ANLN: variants seen among roughly 807,000 people sequenced by gnomAD.
The protein encoded by ANLN is anillin, actin binding protein.
A neutral mutation model predicts 135.1 loss-of-function variants in ANLN; 59 were observed. The ratio of observed to expected loss-of-function variants is 0.44; its 90% CI spans 0.35 to 0.54. ANLN has a LOEUF of 0.54. Ranked by LOEUF, ANLN falls within the 20% of genes least tolerant of loss-of-function variation. The pLI is 0.00. For missense variants in ANLN, 1,182 were observed against 1,340.0 expected (o/e 0.88, Z 1.84); for synonymous variants, 406 against 456.4 (o/e 0.89, Z 1.41).
intron 19 of ANLN, 78 bp downstream of exon 19, chr7:36,426,114 C>A: frequency 9.7e-7 from 1 of 1,029,898 alleles, no homozygotes; most frequent in African/African-American, 1.7e-5. Flanking sequence ...TATATATAGG[C>A]CATCTTGATT....
intron 7 of ANLN, 72 bp from the exon 8 acceptor site, chr7:36,415,686 C>T: frequency 7.1e-7 from 1 of 1,408,886 alleles, no homozygotes; most frequent in South Asian, 1.5e-5. Context: ...AATCTTGTTT[C>T]ATTTAATAAC....
At chr7:36,416,580 T>C (rs1787650872) in intron 8 of ANLN, among the ~76,000 whole-genome samples, 1 of 152,182 alleles carries the variant, frequency 6.6e-6, no homozygotes, top group Non-Finnish European at 1.5e-5. Flanking sequence ...CTTCCTTCTA[T>C]TCCTAGTTTT....
chr7:36,408,325 T>A (rs1787275078), intron 5 of ANLN, among the ~76,000 whole-genome samples: 1 of 152,152 alleles, frequency 6.6e-6, no homozygotes, highest in African/African-American at 2.4e-5. Flanking sequence ...TGCTTCTCAA[T>A]CTTGAGTATG....
intron 8 of ANLN, among the ~76,000 whole-genome samples, chr7:36,416,681 G>A (rs1461983570): frequency 6.6e-6 from 1 of 151,450 alleles, no homozygotes; most frequent in African/African-American, 2.4e-5. Context: ...AAAACAAAAT[G>A]ATATGTAAAT....
chr7:36,429,793 T>G (rs904200219), intron 20 of ANLN, among the ~76,000 whole-genome samples: 1 of 152,214 alleles, frequency 6.6e-6, no homozygotes, highest in African/African-American at 2.4e-5. Context: ...ACTGTTCTTT[T>G]AAAAACTTTT....
chr7:36,449,870 T>C, intron 23 of ANLN, 33 bp downstream of exon 23: 1 of 1,596,248 alleles, frequency 6.3e-7, no homozygotes, highest in Non-Finnish European at 8.6e-7. Context: ...TTCTATCAAC[T>C]AAGCAATTGA....
intron 2 of ANLN, among the ~76,000 whole-genome samples, chr7:36,397,345 G>T (rs1419985): frequency 0.18 from 26,980 of 152,172 alleles, 2,599 homozygotes; most frequent in East Asian, 0.41. Context: ...CGTTTTCACT[G>T]TGAGATGGGT....
rs1288401506 is a variant in ANLN, at chr7:36,451,820, C to T, written c.3252-657C>T. ...ATGTTCTGGCTATGAGGTAGGGAAT[C>T]CCCCCTTCCTTACTCTGGCCTGCCC... On this transcript the variant is annotated intron_variant, in intron 23 of 23. Coordinates refer to ENST00000265748, the MANE Select transcript of ANLN (RefSeq NM_018685.5). Among the ~76,000 whole-genome samples, 7 of 152,252 alleles carry T rather than the reference C, an allele frequency of 4.6e-5. No individual in the cohort carries two copies. In the South Asian group the frequency reaches 1.0e-3, roughly 23 times the overall value.
intron 7 of ANLN, among the ~76,000 whole-genome samples, chr7:36,411,541 C>G (rs1282988123): frequency 6.6e-6 from 1 of 152,194 alleles, no homozygotes; most frequent in East Asian, 1.9e-4. Flanking sequence ...TTTAGACTAT[C>G]TGGGATCCTT....
rs908493033 is a variant in ANLN at position 36,429,879 on chromosome 7, T to G, written c.2883+2851T>G. Among the ~76,000 whole-genome samples, 4 of 152,320 alleles carry G rather than the reference T, an allele frequency of 2.6e-5. 1 individual carries two copies. Among genetic ancestry groups the G allele is most frequent in the African/African-American group, 9.6e-5 (4 of 41,572 alleles). On this transcript the variant is annotated intron_variant, in intron 20 of 23. Coordinates refer to ENST00000265748, the MANE Select transcript of ANLN (RefSeq NM_018685.5). Reference sequence around the variant, plus strand: ...TTATATTCCCATTCACTTAACTCCTTTGAATTTATAACTTAAATAGCCAAC... The same window carrying G: ...TTATATTCCCATTCACTTAACTCCTGTGAATTTATAACTTAAATAGCCAAC...
intron 10 of ANLN, 56 bp downstream of exon 10, chr7:36,419,535 T>C: frequency 7.0e-7 from 1 of 1,418,744 alleles, no homozygotes; most frequent in African/African-American, 1.4e-5. Flanking sequence ...GTAGTATTCG[T>C]ATCTCCCCTT....
intron 9 of ANLN, among the ~76,000 whole-genome samples, chr7:36,418,045 A>T (rs1324133179): frequency 1.3e-5 from 2 of 152,076 alleles, no homozygotes; most frequent in African/African-American, 4.8e-5. Flanking sequence ...AGCTTGGATT[A>T]ATTGGCTCAC....
chr7:36,445,678 C>T (rs942955330), intron 22 of ANLN, among the ~76,000 whole-genome samples: 1 of 152,142 alleles, frequency 6.6e-6, no homozygotes, highest in African/African-American at 2.4e-5. Flanking sequence ...TTTTACAGCC[C>T]ACATGCAGGA....
At chr7:36,416,814 A>G (rs1787660580) in intron 8 of ANLN, among the ~76,000 whole-genome samples, 1 of 152,084 alleles carries the variant, frequency 6.6e-6, no homozygotes, top group Non-Finnish European at 1.5e-5. Context: ...TGGAACGCTA[A>G]GCTTATGGGA....
chr7:36,448,136 C>T (rs1314979108), intron 22 of ANLN, among the ~76,000 whole-genome samples: 1 of 152,170 alleles, frequency 6.6e-6, no homozygotes, highest in Admixed American at 6.5e-5. Context: ...GCCTCAGCCT[C>T]CCGAGTAGCT....
Position 36,399,220 on chromosome 7 carries a change from T to C in ANLN, c.314T>C (p.Val105Ala). 2 of 1,614,116 alleles carry C rather than the reference T, an allele frequency of 1.2e-6. No individual in the cohort carries two copies. The highest frequency in any genetic ancestry group is 1.7e-6 in the Non-Finnish European group (2 of 1,180,018). Reference sequence around the variant, plus strand: ...TCTCCAAGTCCTGTGTCTCCTCAGGTGCAGCCACAAGCAGCAGATACCATC... The same window carrying C: ...TCTCCAAGTCCTGTGTCTCCTCAGGCGCAGCCACAAGCAGCAGATACCATC... Reference protein sequence around the residue: ...SCSPSPVSPQVQPQAADTISD... With the variant: ...SCSPSPVSPQAQPQAADTISD... Residue 105 changes from valine (V) to alanine (A), a missense_variant, in exon 3 of 24, where the codon GTG (valine) becomes GCG (alanine). Physicochemically the swap from Val to Ala is moderately conservative, Grantham distance 64 (BLOSUM62 0). Transcript: ENST00000265748.
rs1432523754 is a variant in ANLN at position 36,443,846 on chromosome 7, A to T, written c.3062A>T (p.Asp1021Val). 5.0e-6 allele frequency: 8 copies of T among 1,608,292 alleles called. No homozygotes were observed. The East Asian group carries it at 1.8e-4, about 36-fold the overall frequency. ...GNCISYWTYP[D>V]DEKRKNPIGR... ...TGTATATCTTATTGGACTTATCCAGATGATGAGAAACGCAAGGTAATTTAT... is the reference window on the plus strand; with the variant it reads ...TGTATATCTTATTGGACTTATCCAGTTGATGAGAAACGCAAGGTAATTTAT... Residue 1021 changes from aspartate (D) to valine (V), a missense_variant, in exon 22 of 24, where the codon GAT (aspartate) becomes GTT (valine). By Grantham distance (152) the Asp-to-Val change is radical (BLOSUM62 -3). Transcript: ENST00000265748.
intron 4 of ANLN, 101 bp downstream of exon 4, chr7:36,406,667 T>C (rs181410064): frequency 9.2e-7 from 1 of 1,084,822 alleles, no homozygotes; most frequent in African/African-American, 1.6e-5. Context: ...TGGATATATG[T>C]TTTATAATAG....
intron 20 of ANLN, 34 bp downstream of exon 20, chr7:36,427,062 T>G: frequency 7.1e-7 from 1 of 1,415,696 alleles, no homozygotes; most frequent in South Asian, 1.3e-5. Context: ...GTGTGGTGTT[T>G]TTTTTTTAAT....
Sources: gnomAD v4.1 joint callset for allele counts (sites outside exome capture counted in the v4.1 genomes callset) on GRCh38, gnomAD v4.1.1 for gene constraint, MANE v1.5 for transcripts, NCBI Gene and HGNC (gene_info 2026-07-23, HGNC 2026-07-21) for gene names.